Variants in ARHGAP15 observed in about 807,000 individuals in gnomAD.
ARHGAP15 encodes the protein Rho GTPase activating protein 15.
In ARHGAP15, 51 loss-of-function variants were observed where a neutral mutation model predicts 63.7. The ratio of observed to expected loss-of-function variants is 0.80; its 90% CI spans 0.64 to 1.01. The LOEUF is 1.01. ARHGAP15 is among the 50% of genes least tolerant of loss of function. ARHGAP15 has a pLI of 0.00. For missense variants in ARHGAP15, 560 were observed against 564.6 expected (o/e 0.99, Z 0.08); for synonymous variants, 191 against 193.8 (o/e 0.99, Z 0.12).
At chr2:143,347,354 T>C (rs1685344297) in intron 6 of ARHGAP15, among the ~76,000 whole-genome samples, 2 of 152,290 alleles carry the variant, frequency 1.3e-5, no homozygotes, top group Non-Finnish European at 2.9e-5. Context: ...ATCAGCTTCT[T>C]GCTAAAAACT....
chr2:143,296,955 C>A (rs1165311674), intron 6 of ARHGAP15, among the ~76,000 whole-genome samples: 2 of 151,846 alleles, frequency 1.3e-5, no homozygotes, highest in Non-Finnish European at 2.9e-5. Context: ...AGGATAATAG[C>A]CAAATATACC....
intron 11 of ARHGAP15, among the ~76,000 whole-genome samples, chr2:143,576,328 T>A (rs1696679780): frequency 6.6e-6 from 1 of 152,140 alleles, no homozygotes; most frequent in African/African-American, 2.4e-5. Flanking sequence ...TAAATACAGT[T>A]GTTTCTTGGT....
In ARHGAP15 at chr2:143,686,383, C is replaced by CA. The variant is rs35554349; in HGVS notation, c.1139-17003dup. Among the ~76,000 whole-genome samples the CA allele has an allele frequency of 3.9e-3, 216 of 55,074 alleles. 21 individuals carry two copies. The highest frequency in any genetic ancestry group is 0.013 in the African/African-American group (152 of 12,070). The allele number at this position is 55,074 out of a possible 152,430, so 36.1% of individuals were successfully genotyped here. A position where few individuals can be genotyped will look rare whatever the true frequency, so the allele number is the denominator to read the frequency against. ...TGGGTGACAGAGCGAGACTCTGTCT[C>CA]AAAAAAAAAAAAAAAAAAAAAAAAA... On this transcript the variant is annotated intron_variant, in intron 12 of 13. Transcript: ENST00000295095.
At chr2:143,657,679 A>G (rs527597433) in intron 12 of ARHGAP15, among the ~76,000 whole-genome samples, 1 of 152,300 alleles carries the variant, frequency 6.6e-6, no homozygotes, top group East Asian at 1.9e-4. Flanking sequence ...TGAGTAAACT[A>G]TTGTTTTGTT....
In ARHGAP15 at chr2:143,499,383, T is replaced by C. The variant is rs192674902; in HGVS notation, c.826+11888T>C. Among the ~76,000 whole-genome samples the C allele has an allele frequency of 1.4e-3, 209 of 152,316 alleles. 1 individual carries two copies. The highest frequency in any genetic ancestry group is 4.9e-3 in the African/African-American group (202 of 41,574). Reference sequence around the variant, plus strand: ...GGGAGTTTCATTGGTTTTAAATTGATAACAGCTGAAAGAGTGAATGATTAA... The same window carrying C: ...GGGAGTTTCATTGGTTTTAAATTGACAACAGCTGAAAGAGTGAATGATTAA... On this transcript the variant is annotated intron_variant, in intron 9 of 13. Transcript: ENST00000295095.
chr2:143,182,373 C>T (rs950223326), intron 2 of ARHGAP15, among the ~76,000 whole-genome samples: 1 of 152,070 alleles, frequency 6.6e-6, no homozygotes, highest in African/African-American at 2.4e-5. Flanking sequence ...AGGGGAACTG[C>T]CAGTTGGTGG....
At chr2:143,431,204 G>A (rs1018453134) in intron 6 of ARHGAP15, among the ~76,000 whole-genome samples, 5 of 151,822 alleles carry the variant, frequency 3.3e-5, no homozygotes, top group African/African-American at 9.7e-5. Context: ...AAATTATCAC[G>A]GCCCTTTTCC....
chr2:143,344,092 A>G (rs571169051), intron 6 of ARHGAP15: 2 of 152,218 alleles, frequency 1.3e-5, no homozygotes, highest in South Asian at 2.1e-4. Context: ...TGATGTACAC[A>G]CATTCAGAAC....
intron 2 of ARHGAP15, among the ~76,000 whole-genome samples, chr2:143,172,820 G>C (rs975588047): frequency 5.9e-5 from 9 of 152,100 alleles, no homozygotes; most frequent in Non-Finnish European, 8.8e-5. Context: ...AATTACGTGA[G>C]TTTGGAGCTC....
At chr2:143,516,403 C>T (rs866762033) in intron 9 of ARHGAP15, among the ~76,000 whole-genome samples, 5 of 152,226 alleles carry the variant, frequency 3.3e-5, no homozygotes, top group Middle Eastern at 3.4e-3. Flanking sequence ...TACAAACATA[C>T]ACACACTGCA....
At chr2:143,290,321 C>T (rs966902395) in intron 6 of ARHGAP15, among the ~76,000 whole-genome samples, 3 of 151,640 alleles carry the variant, frequency 2.0e-5, no homozygotes, top group South Asian at 4.2e-4. Context: ...CAGGCTAAAG[C>T]GCTTACGGCT....
At chr2:143,658,655 G>A (rs1236277399) in intron 12 of ARHGAP15, among the ~76,000 whole-genome samples, 1 of 151,858 alleles carries the variant, frequency 6.6e-6, no homozygotes, top group African/African-American at 2.4e-5. Context: ...TTTCTGCTCT[G>A]CCACCTGTAG....
chr2:143,195,209 C>T (rs9287349), intron 2 of ARHGAP15, among the ~76,000 whole-genome samples: 49,490 of 151,274 alleles, frequency 0.33, 8,204 homozygotes, highest in East Asian at 0.46. Context: ...TAGGGAAGAG[C>T]CCCCCTCCCA....
chr2:143,169,174 G>C (rs960358086), intron 2 of ARHGAP15, among the ~76,000 whole-genome samples: 1 of 151,992 alleles, frequency 6.6e-6, no homozygotes, highest in African/African-American at 2.4e-5. Flanking sequence ...GATTTCACAT[G>C]AAAATTTGTA....
intron 1 of ARHGAP15, among the ~76,000 whole-genome samples, chr2:143,153,090 G>T (rs1689894676): frequency 6.6e-6 from 1 of 151,922 alleles, no homozygotes; most frequent in Admixed American, 6.6e-5. Context: ...AATCAATATA[G>T]GAATGCAAAT....
At chr2:143,611,138 A>G (rs1050682047) in intron 11 of ARHGAP15, among the ~76,000 whole-genome samples, 4 of 152,180 alleles carry the variant, frequency 2.6e-5, no homozygotes, top group Non-Finnish European at 4.4e-5. Context: ...GATCATTGGA[A>G]ATAAATTATT....
At chr2:143,359,703 A>T (rs900860005) in intron 6 of ARHGAP15, among the ~76,000 whole-genome samples, 8 of 152,244 alleles carry the variant, frequency 5.3e-5, no homozygotes, top group African/African-American at 1.9e-4. Context: ...AATGTTTATC[A>T]TAATACATTT....
intron 6 of ARHGAP15, among the ~76,000 whole-genome samples, chr2:143,406,977 C>T (rs756233385): frequency 1.6e-4 from 24 of 151,872 alleles, no homozygotes; most frequent in Non-Finnish European, 2.5e-4. Context: ...ATTTACTGTC[C>T]GTATTCTGTT....
intron 7 of ARHGAP15, 146 bp downstream of exon 7, chr2:143,435,845 TAA>T: frequency 1.2e-6 from 1 of 807,400 alleles, no homozygotes; most frequent in Non-Finnish European, 1.8e-6. Context: ...TAGAATCTAC[TAA>T]AAACCTTTTC....
Sources: allele counts gnomAD v4.1 joint callset (sites outside exome capture counted in the v4.1 genomes callset), GRCh38; gene constraint gnomAD v4.1.1; transcripts MANE v1.5; gene names NCBI Gene and HGNC (gene_info 2026-07-23, HGNC 2026-07-21).